The following PRKG1 variants were observed in gnomAD, a reference collection of about 807,000 sequenced individuals.
PRKG1 encodes the protein cGMP-dependent protein kinase 1.
PRKG1 carries 35 observed loss-of-function variants against 88.1 expected under a neutral mutation model. The observed-to-expected ratio is 0.40, with a 90% CI of 0.30 to 0.53. PRKG1 has a LOEUF of 0.53. Among genes scored for constraint, PRKG1 ranks in the 20% least tolerant of loss-of-function variants. The pLI is 0.59. For synonymous variants in PRKG1, 303 were observed against 292.5 expected (o/e 1.04, Z -0.37); for missense variants, 540 against 839.8 (o/e 0.64, Z 4.41).
intron 2 of PRKG1, among the ~76,000 whole-genome samples, chr10:51,354,772 A>G (rs1340847023): frequency 6.6e-6 from 1 of 152,098 alleles, no homozygotes; most frequent in Non-Finnish European, 1.5e-5. Context: ...AAACTTTTAA[A>G]GGAGACAGGC....
intron 1 of PRKG1, among the ~76,000 whole-genome samples, chr10:51,107,457 C>A (rs894687859): frequency 6.6e-6 from 1 of 151,932 alleles, no homozygotes; most frequent in Admixed American, 6.6e-5. Flanking sequence ...TAATAAAGAT[C>A]AGATTAGAAA....
intron 14 of PRKG1, among the ~76,000 whole-genome samples, chr10:52,286,238 G>A (rs1426241118): frequency 6.6e-6 from 1 of 151,992 alleles, no homozygotes; most frequent in Non-Finnish European, 1.5e-5. Context: ...AGTTCCAGCT[G>A]GCCTCAACCT....
intron 10 of PRKG1, 48 bp from the exon 11 acceptor site, chr10:52,271,302 C>A: frequency 6.3e-7 from 1 of 1,586,858 alleles, no homozygotes; most frequent in Non-Finnish European, 8.6e-7. Flanking sequence ...ATAATGCACT[C>A]TTACAAGTCT....
rs72797346 is a variant in PRKG1 at position 51,675,580 on chromosome 10, C to T, written c.593-129005C>T. 6.3e-3 allele frequency among the ~76,000 whole-genome samples: 960 copies of T among 152,264 alleles called. 7 individuals carry two copies. Among genetic ancestry groups the T allele is most frequent in the Middle Eastern group, 0.017 (5 of 294 alleles). On this transcript the variant is annotated intron_variant, in intron 3 of 17. Transcript: ENST00000373980. ...GCATTAGTAAGTACTTACTCAAAAG[C>T]ATTTACTAAGTTAAAACCAAAAGAT...
chr10:51,623,807 A>AAAC (rs1358156375), intron 3 of PRKG1, among the ~76,000 whole-genome samples: 2 of 151,716 alleles, frequency 1.3e-5, no homozygotes. Context: ...TGTGGACTTG[A>AAAC]CCCTTATCCT....
At chr10:51,000,020 C>T (rs1410118374) in intron 1 of PRKG1, among the ~76,000 whole-genome samples, 1 of 152,094 alleles carries the variant, frequency 6.6e-6, no homozygotes, top group Non-Finnish European at 1.5e-5. Flanking sequence ...TGAAGCCTTC[C>T]CAAGAATAAA....
At chr10:51,212,646 A>G (rs1161185618) in intron 2 of PRKG1, among the ~76,000 whole-genome samples, 1 of 152,236 alleles carries the variant, frequency 6.6e-6, no homozygotes, top group African/African-American at 2.4e-5. Flanking sequence ...CCCATCAAAA[A>G]GTGGGCAAAG....
chr10:51,735,349 G>A (rs535268226), intron 3 of PRKG1, among the ~76,000 whole-genome samples: 4 of 152,216 alleles, frequency 2.6e-5, no homozygotes, highest in Admixed American at 6.5e-5. Context: ...TATGGGTAAT[G>A]CATTAGGATT....
At chr10:52,218,906 A>G (rs1699305) in intron 9 of PRKG1, among the ~76,000 whole-genome samples, 151,007 of 152,204 alleles carry the variant, frequency 0.99, 74,921 homozygotes, top group East Asian at 1. Context: ...ATTTTTCTGA[A>G]ACAAAATATA....
intron 10 of PRKG1, among the ~76,000 whole-genome samples, chr10:52,260,823 A>G (rs533523684): frequency 1.3e-5 from 2 of 152,082 alleles, no homozygotes; most frequent in East Asian, 3.9e-4. Flanking sequence ...GCAGTAGGAA[A>G]TAAATGTTAT....
At chr10:51,278,358 G>A (rs911866773) in intron 2 of PRKG1, among the ~76,000 whole-genome samples, 7 of 152,122 alleles carry the variant, frequency 4.6e-5, no homozygotes, top group Non-Finnish European at 8.8e-5. Flanking sequence ...CAGTTTGCCC[G>A]TATTCTGTTG....
At chr10:51,343,333 C>G (rs1310956258) in intron 2 of PRKG1, among the ~76,000 whole-genome samples, 1 of 152,078 alleles carries the variant, frequency 6.6e-6, no homozygotes, top group African/African-American at 2.4e-5. Flanking sequence ...ACAGTTGGAA[C>G]AGATTATCTT....
intron 4 of PRKG1, among the ~76,000 whole-genome samples, chr10:51,838,734 G>T (rs186984210): frequency 5.9e-4 from 89 of 152,080 alleles, no homozygotes; most frequent in Middle Eastern, 3.4e-3. Context: ...TTGAAAGCTA[G>T]TAGGTCTAGG....
chr10:52,211,699 T>TAAA (rs57320498), intron 9 of PRKG1, among the ~76,000 whole-genome samples: 176 of 119,934 alleles, frequency 1.5e-3, no homozygotes, highest in Middle Eastern at 9.9e-3. Flanking sequence ...CCTATCCTGG[T>TAAA]AAAAAAAAAA....
intron 5 of PRKG1, among the ~76,000 whole-genome samples, chr10:51,998,132 CTT>C (rs2133143308): frequency 6.6e-6 from 1 of 152,266 alleles, no homozygotes; most frequent in African/African-American, 2.4e-5. Context: ...TATCCGGACT[CTT>C]GATCTACATT....
At chr10:51,672,783 C>T (rs1252530809) in intron 3 of PRKG1, among the ~76,000 whole-genome samples, 1 of 152,110 alleles carries the variant, frequency 6.6e-6, no homozygotes, top group Admixed American at 6.6e-5. Context: ...AACAACTAAC[C>T]AATTTGACTA....
At chr10:51,917,983 G>A (rs553052978) in intron 5 of PRKG1, among the ~76,000 whole-genome samples, 63 of 152,204 alleles carry the variant, frequency 4.1e-4, no homozygotes, top group African/African-American at 1.5e-3. Flanking sequence ...CTTTAACTGG[G>A]TTCCTATATG....
chr10:52,100,922 ATTT>A (rs1847279259), intron 7 of PRKG1, among the ~76,000 whole-genome samples: 2 of 152,252 alleles, frequency 1.3e-5, no homozygotes, highest in South Asian at 4.1e-4. Flanking sequence ...GCTCTTTCTC[ATTT>A]GTGGTGTTTC....
intron 2 of PRKG1, among the ~76,000 whole-genome samples, chr10:51,429,616 G>T (rs1838699391): frequency 6.6e-6 from 1 of 152,114 alleles, no homozygotes; most frequent in African/African-American, 2.4e-5. Flanking sequence ...TCATTAAATA[G>T]AGAATATCAA....
Sources: allele counts gnomAD v4.1 joint callset (sites outside exome capture counted in the v4.1 genomes callset), GRCh38; gene constraint gnomAD v4.1.1; transcripts MANE v1.5; gene names NCBI Gene and HGNC (gene_info 2026-07-23, HGNC 2026-07-21).